SCN8A: variants seen among roughly 807,000 people sequenced by gnomAD.
SCN8A encodes the protein sodium channel protein type 8 subunit alpha.
SCN8A carries 30 observed loss-of-function variants against 184.1 expected under a neutral mutation model. The ratio of observed to expected loss-of-function variants is 0.16; its 90% CI spans 0.12 to 0.22. The LOEUF is 0.22. SCN8A is among the 10% of genes least tolerant of loss of function. The pLI is 1.00. For synonymous variants in SCN8A, 852 were observed against 907.0 expected, an observed-to-expected ratio of 0.94 and a Z score of 1.09; for missense variants, 1,057 against 2,498.9, an observed-to-expected ratio of 0.42 and a Z score of 12.30.
At chr12:51,700,544 C>A (rs1349739733) in intron 7 of SCN8A, among the ~76,000 whole-genome samples, 2 of 152,124 alleles carry the variant, frequency 1.3e-5, no homozygotes, top group Non-Finnish European at 2.9e-5. Context: ...TAGTTTTAAT[C>A]ATTTTATTTG....
At chr12:51,771,528 A>G (rs772431737) in intron 19 of SCN8A, among the ~76,000 whole-genome samples, 19 of 152,336 alleles carry the variant, frequency 1.2e-4, no homozygotes, top group Non-Finnish European at 1.8e-4. Context: ...AGGCAGGAGA[A>G]TAAGAAAAGC....
chr12:51,796,004 G>A (rs1380619793), intron 26 of SCN8A, among the ~76,000 whole-genome samples: 3 of 151,990 alleles, frequency 2.0e-5, no homozygotes, highest in African/African-American at 7.3e-5. Context: ...CTGAGATCAC[G>A]CCATTACACT....
At chr12:51,767,097 G>A (rs889253174) in intron 16 of SCN8A, among the ~76,000 whole-genome samples, 1 of 152,132 alleles carries the variant, frequency 6.6e-6, no homozygotes, top group African/African-American at 2.4e-5. Context: ...AATAGCTACT[G>A]TAATGTTTAA....
intron 1 of SCN8A, among the ~76,000 whole-genome samples, chr12:51,611,404 C>T (rs1440562186): frequency 6.6e-6 from 1 of 152,128 alleles, no homozygotes; most frequent in Admixed American, 6.6e-5. Flanking sequence ...ACCTTGTGAT[C>T]GCCTTCCTCA....
chr12:51,811,051 C>G lies in SCN8A; in HGVS notation c.*3622C>G, dbSNP rs551606379. ...TAATGAGACGTGATAAAAAGTCCAT[C>G]ACTCCTCTAAGCCAAAAGGAAACAA... On this transcript the variant is annotated 3_prime_UTR_variant, in exon 27 of 27. Transcript: ENST00000627620. 2 of 152,336 alleles carry G rather than the reference C, an allele frequency of 1.3e-5. No individual in the cohort carries two copies. Among genetic ancestry groups the G allele is most frequent in the South Asian group, 4.2e-4 (2 of 4,818 alleles). 9.4% of individuals were successfully genotyped at this position (152,336 alleles called of 1,614,324 possible).
At chr12:51,593,366 G>T (rs115277309) in intron 1 of SCN8A, among the ~76,000 whole-genome samples, 1 of 152,174 alleles carries the variant, frequency 6.6e-6, no homozygotes, top group Admixed American at 6.5e-5. Context: ...GTTCATAATG[G>T]TGCAGATCAG....
chr12:51,707,538 C>T (rs1941804873), intron 11 of SCN8A, among the ~76,000 whole-genome samples: 1 of 152,066 alleles, frequency 6.6e-6, no homozygotes, highest in African/African-American at 2.4e-5. Context: ...GCTTTATTTT[C>T]ACTGACAGCC....
At chr12:51,649,825 C>T (rs550658552) in intron 1 of SCN8A, among the ~76,000 whole-genome samples, 102 of 152,330 alleles carry the variant, frequency 6.7e-4, no homozygotes, top group Middle Eastern at 3.4e-3. Flanking sequence ...TTAACATTCG[C>T]TCCTGATTCC....
chr12:51,755,606 T>G (rs1942661522), intron 14 of SCN8A, among the ~76,000 whole-genome samples: 1 of 150,598 alleles, frequency 6.6e-6, no homozygotes, highest in Non-Finnish European at 1.5e-5. Flanking sequence ...TGAGACCCCA[T>G]CTCTAAAACA....
intron 2 of SCN8A, among the ~76,000 whole-genome samples, chr12:51,681,158 T>C (rs541369093): frequency 1.6e-4 from 24 of 152,316 alleles, no homozygotes; most frequent in Admixed American, 7.2e-4. Context: ...TTAGCTGCCC[T>C]ATCTACCCCG....
intron 12 of SCN8A, among the ~76,000 whole-genome samples, chr12:51,735,642 A>G (rs1942312423): frequency 2.0e-5 from 3 of 152,124 alleles, no homozygotes; most frequent in Non-Finnish European, 2.9e-5. Context: ...TCCATCTCTG[A>G]CAGCTTCTTG....
chr12:51,790,162 T>G (rs990892286), intron 24 of SCN8A, among the ~76,000 whole-genome samples: 4 of 152,228 alleles, frequency 2.6e-5, no homozygotes. Context: ...AATTGGATAG[T>G]CCATTTCCTT....
At chr12:51,655,051 A>G (rs1254505371) in intron 1 of SCN8A, among the ~76,000 whole-genome samples, 1 of 151,976 alleles carries the variant, frequency 6.6e-6, no homozygotes, top group Non-Finnish European at 1.5e-5. Context: ...AGGCATGTAC[A>G]CCACGCCCAG....
At chr12:51,741,818 C>G (rs2138820888) in intron 12 of SCN8A, among the ~76,000 whole-genome samples, 1 of 152,244 alleles carries the variant, frequency 6.6e-6, no homozygotes. Context: ...GATTCTCCAG[C>G]CTCAGCCCCC....
intron 1 of SCN8A, among the ~76,000 whole-genome samples, chr12:51,601,652 A>T (rs569219459): frequency 6.6e-6 from 1 of 152,090 alleles, no homozygotes; most frequent in African/African-American, 2.4e-5. Flanking sequence ...TTTTAATTAG[A>T]TTAAAATTAA....
chr12:51,658,486 A>C (rs1379655923), intron 1 of SCN8A, among the ~76,000 whole-genome samples: 2 of 152,118 alleles, frequency 1.3e-5, no homozygotes, highest in Non-Finnish European at 2.9e-5. Flanking sequence ...ATACCATAGA[A>C]AGGAATGAAG....
intron 1 of SCN8A, among the ~76,000 whole-genome samples, chr12:51,662,030 A>G (rs1940934750): frequency 6.6e-6 from 1 of 152,196 alleles, no homozygotes; most frequent in Non-Finnish European, 1.5e-5. Context: ...CTCTGCCTGC[A>G]GTGCTGCAGT....
chr12:51,780,904 C>T lies in SCN8A; in HGVS notation c.3942+133C>T, dbSNP rs1937897608. ...GCAGCTGCTGATTTGATCCTCCACT[C>T]TCTCCCCCACACCTGCCCCGTGCAA... On this transcript the variant is annotated intron_variant, in intron 21 of 26. Transcript: ENST00000627620. 7.0e-6 allele frequency: 8 copies of T among 1,135,502 alleles called. 1 individual carries two copies. Among genetic ancestry groups the T allele is most frequent in the Non-Finnish European group, 1.1e-6 (1 of 884,438 alleles). 70.3% of individuals were successfully genotyped at this position (1,135,502 alleles called of 1,614,324 possible).
chr12:51,672,404 C>A (rs1298769343), intron 2 of SCN8A, among the ~76,000 whole-genome samples: 4 of 152,146 alleles, frequency 2.6e-5, no homozygotes, highest in Non-Finnish European at 4.4e-5. Context: ...TTATTATTCC[C>A]TGACTCTTAT....
Sources: gnomAD v4.1 joint callset for allele counts (sites outside exome capture counted in the v4.1 genomes callset) on GRCh38, gnomAD v4.1.1 for gene constraint, MANE v1.5 for transcripts, NCBI Gene and HGNC (gene_info 2026-07-23, HGNC 2026-07-21) for gene names.